NTM: variants seen among roughly 807,000 people sequenced by gnomAD.
The protein encoded by NTM is IgLON family member 2.
In NTM, 13 loss-of-function variants were observed where a neutral mutation model predicts 42.1. The observed-to-expected ratio is 0.31, with a 90% CI of 0.20 to 0.49. The LOEUF is 0.49. NTM is among the 20% of genes least tolerant of loss of function. The pLI, the probability that NTM is intolerant of heterozygous loss-of-function variation, is 0.99. For synonymous variants in NTM, 187 were observed against 179.2 expected, an observed-to-expected ratio of 1.04 and a Z score of -0.35; for missense variants, 373 against 452.8, an observed-to-expected ratio of 0.82 and a Z score of 1.60.
chr11:132,202,429 T>C (rs901811042), intron 3 of NTM, among the ~76,000 whole-genome samples: 12 of 152,082 alleles, frequency 7.9e-5, no homozygotes, highest in African/African-American at 2.4e-4. Flanking sequence ...AAGCCAGTCA[T>C]ATAGCCCCAA....
Position 131,781,646 on chromosome 11 carries a change from G to A in NTM, c.83-129918G>A, listed in dbSNP as rs138687202. Among the ~76,000 whole-genome samples the A allele has an allele frequency of 1.3e-4, 20 of 152,288 alleles. No homozygotes were observed. In the East Asian group the frequency reaches 2.1e-3, roughly 16 times the overall value. ...CAGAATTTTGCTTCTGGCAATGAGA[G>A]ATTAGTACCAAATTCCCTTCAGCTG... is the stretch of plus-strand genomic sequence containing the variant. On this transcript the variant is annotated intron_variant, in intron 1 of 8. Transcript: ENST00000683400.
At chr11:132,074,492 G>C (rs564226245) in intron 2 of NTM, among the ~76,000 whole-genome samples, 33 of 151,914 alleles carry the variant, frequency 2.2e-4, no homozygotes, top group African/African-American at 8.0e-4. Flanking sequence ...ATATTTGCTT[G>C]ATTTGAAGGT....
intron 7 of NTM, among the ~76,000 whole-genome samples, chr11:132,317,907 G>GGAAA (rs540176519): frequency 3.3e-5 from 5 of 152,104 alleles, no homozygotes; most frequent in Middle Eastern, 3.2e-3. Context: ...GCTGGGAAGG[G>GGAAA]GAAAGAAAGA....
intron 1 of NTM, among the ~76,000 whole-genome samples, chr11:131,648,528 G>A (rs2066054304): frequency 6.6e-6 from 1 of 152,098 alleles, no homozygotes; most frequent in South Asian, 2.1e-4. Flanking sequence ...AATTTTAATA[G>A]TAGCCATTCT....
intron 6 of NTM, among the ~76,000 whole-genome samples, chr11:132,314,034 A>G (rs1270842107): frequency 6.6e-6 from 1 of 151,922 alleles, no homozygotes; most frequent in East Asian, 1.9e-4. Context: ...ATTAAGTATT[A>G]TCTATACAAT....
intron 1 of NTM, among the ~76,000 whole-genome samples, chr11:131,443,692 T>C (rs1024835803): frequency 6.6e-6 from 1 of 152,196 alleles, no homozygotes; most frequent in Non-Finnish European, 1.5e-5. Context: ...CAGAAGCAGC[T>C]ATGGGAACTC....
At chr11:131,635,971 G>A (rs966629242) in intron 1 of NTM, among the ~76,000 whole-genome samples, 2 of 152,188 alleles carry the variant, frequency 1.3e-5, no homozygotes, top group Non-Finnish European at 2.9e-5. Context: ...GCACAGGTCT[G>A]TGGCTTAGGA....
At chr11:132,092,259 A>G (rs975786506) in intron 2 of NTM, among the ~76,000 whole-genome samples, 3 of 152,186 alleles carry the variant, frequency 2.0e-5, no homozygotes, top group Admixed American at 2.0e-4. Flanking sequence ...AGCCACAAAG[A>G]ATTCCTAGGC....
At chr11:132,279,121 CCAAA>C (rs1362321600) in intron 4 of NTM, among the ~76,000 whole-genome samples, 2 of 152,168 alleles carry the variant, frequency 1.3e-5, no homozygotes, top group Non-Finnish European at 2.9e-5. Context: ...TCTGCTGGCC[CCAAA>C]CAGAGACTTG....
chr11:131,810,246 C>A (rs1038674773), intron 1 of NTM, among the ~76,000 whole-genome samples: 1 of 152,188 alleles, frequency 6.6e-6, no homozygotes, highest in Non-Finnish European at 1.5e-5. Context: ...AGCTGAATCC[C>A]CCAAACACAT....
At chr11:131,514,817 C>T (rs59183863) in intron 1 of NTM, among the ~76,000 whole-genome samples, 2,644 of 152,174 alleles carry the variant, frequency 0.017, 75 homozygotes, top group African/African-American at 0.06. Flanking sequence ...TATTGAACTC[C>T]TAAGGCTCAA....
chr11:131,551,203 C>T (rs2054615970), intron 1 of NTM, among the ~76,000 whole-genome samples: 2 of 152,110 alleles, frequency 1.3e-5, no homozygotes, highest in African/African-American at 2.4e-5. Flanking sequence ...CTACTTTGTA[C>T]CATTTCATGG....
intron 1 of NTM, among the ~76,000 whole-genome samples, chr11:131,464,364 G>T (rs1043729371): frequency 6.6e-5 from 10 of 151,976 alleles, no homozygotes; most frequent in African/African-American, 1.7e-4. Context: ...AAAGCTGGGG[G>T]GGGGGCAGCA....
At chr11:132,218,159 A>C (rs1255467324) in intron 4 of NTM, among the ~76,000 whole-genome samples, 1 of 152,180 alleles carries the variant, frequency 6.6e-6, no homozygotes, top group Non-Finnish European at 1.5e-5. Context: ...TTAGAATGGC[A>C]GAGGAGAAAG....
chr11:132,305,765 G>A (rs1279669378), intron 4 of NTM, among the ~76,000 whole-genome samples: 2 of 152,170 alleles, frequency 1.3e-5, no homozygotes, highest in Non-Finnish European at 2.9e-5. Flanking sequence ...CCCTAAAGAT[G>A]CTTATCAAAC....
At chr11:131,721,619 A>G (rs1438149009) in intron 1 of NTM, among the ~76,000 whole-genome samples, 1 of 152,064 alleles carries the variant, frequency 6.6e-6, no homozygotes, top group Non-Finnish European at 1.5e-5. Flanking sequence ...AAGTTACTTA[A>G]CTTCCCTAAT....
intron 1 of NTM, among the ~76,000 whole-genome samples, chr11:131,378,862 C>T (rs896694121): frequency 6.6e-6 from 1 of 152,202 alleles, no homozygotes; most frequent in African/African-American, 2.4e-5. Flanking sequence ...ACTGCTCCCT[C>T]CTTCTCATGG....
chr11:131,917,705 T>C (rs962693008), intron 2 of NTM, among the ~76,000 whole-genome samples: 3 of 152,194 alleles, frequency 2.0e-5, no homozygotes, highest in Non-Finnish European at 2.9e-5. Flanking sequence ...ATAGCAATGC[T>C]ACTCAGGAGG....
At position 132,161,655 on chromosome 11, in the gene NTM, C is replaced by T. The variant is rs549746598; in HGVS notation, c.400+15141C>T. 2.1e-4 allele frequency among the ~76,000 whole-genome samples: 32 copies of T among 152,168 alleles called. No individual in the cohort carries two copies. In the East Asian group the frequency reaches 6.3e-3, roughly 30 times the overall value. On this transcript the variant is annotated intron_variant, in intron 3 of 8. Coordinates refer to ENST00000683400, the MANE Select transcript of NTM (RefSeq NM_001352005.2). The stretch of plus-strand genomic sequence containing the variant: ...TTTCTTTGCTTCCTCTCCTCTTCCC[C>T]TGGCGCCCCCTTGCCAGTTGCCATC...
Sources: gnomAD v4.1 joint callset for allele counts (sites outside exome capture counted in the v4.1 genomes callset) on GRCh38, gnomAD v4.1.1 for gene constraint, MANE v1.5 for transcripts, NCBI Gene and HGNC (gene_info 2026-07-23, HGNC 2026-07-21) for gene names.